Variants in FGF12 observed in about 807,000 individuals in gnomAD.
The protein encoded by FGF12 is fibroblast growth factor 12.
A neutral mutation model predicts 23.6 loss-of-function variants in FGF12; 14 were observed. The ratio of observed to expected loss-of-function variants is 0.59; its 90% CI spans 0.39 to 0.93. The LOEUF is 0.93. FGF12 is among the 40% of genes least tolerant of loss of function. The pLI, the probability that FGF12 is intolerant of heterozygous loss-of-function variation, is 0.00. For synonymous variants in FGF12, 62 were observed against 77.3 expected (o/e 0.80, Z 1.04); for missense variants, 175 against 217.8 (o/e 0.80, Z 1.24).
intron 4 of FGF12, among the ~76,000 whole-genome samples, chr3:192,284,579 G>A (rs1419530022): frequency 6.6e-6 from 1 of 152,070 alleles, no homozygotes; most frequent in Non-Finnish European, 1.5e-5. Context: ...TGATCTATTT[G>A]ATTTTTGAGA....
chr3:192,568,695 G>C (rs1012801172), intron 2 of FGF12, among the ~76,000 whole-genome samples: 1 of 152,058 alleles, frequency 6.6e-6, no homozygotes, highest in Non-Finnish European at 1.5e-5. Context: ...TCTGCCTATT[G>C]TGGATATTTA....
At chr3:192,166,441 T>TGAA (rs2108611771) in intron 5 of FGF12, among the ~76,000 whole-genome samples, 1 of 152,350 alleles carries the variant, frequency 6.6e-6, no homozygotes, top group African/African-American at 2.4e-5. Flanking sequence ...CCCACTATAT[T>TGAA]GAAGTTACAT....
At chr3:192,628,659 C>T (rs1296138345) in intron 2 of FGF12, among the ~76,000 whole-genome samples, 1 of 148,764 alleles carries the variant, frequency 6.7e-6, no homozygotes, top group Non-Finnish European at 1.5e-5. Context: ...GTATATATAG[C>T]AAATATATAC....
At chr3:192,656,068 T>C (rs1307372495) in intron 2 of FGF12, among the ~76,000 whole-genome samples, 1 of 151,100 alleles carries the variant, frequency 6.6e-6, no homozygotes, top group Non-Finnish European at 1.5e-5. Context: ...AAAAATTCTT[T>C]TCCTTGCAGT....
In FGF12 at chr3:192,406,411, A is replaced by G. The variant is rs114154753; in HGVS notation, c.14-45873T>C. ...TCAGAGATTGAGATATAAAAGTCAC[A>G]TTGAGTTCAGAACCTTGAAGTCCTC... On this transcript the variant is annotated intron_variant, in intron 2 of 5. Coordinates refer to ENST00000445105, the MANE Select transcript of FGF12 (RefSeq NM_004113.6). Among the ~76,000 whole-genome samples, 944 of 152,214 alleles carry G rather than the reference A, an allele frequency of 6.2e-3. 11 individuals carry two copies. The highest frequency in any genetic ancestry group is 0.02 in the African/African-American group (846 of 41,526).
At chr3:192,399,042 G>C (rs1297173741) in intron 2 of FGF12, among the ~76,000 whole-genome samples, 1 of 152,034 alleles carries the variant, frequency 6.6e-6, no homozygotes, top group East Asian at 1.9e-4. Flanking sequence ...TCATCAAGAA[G>C]ACGAGGCATG....
chr3:192,257,097 A>G (rs1712443942), intron 4 of FGF12, among the ~76,000 whole-genome samples: 1 of 152,156 alleles, frequency 6.6e-6, no homozygotes, highest in Non-Finnish European at 1.5e-5. Flanking sequence ...CAAATAATAT[A>G]ACGTGACTTG....
intron 2 of FGF12, among the ~76,000 whole-genome samples, chr3:192,509,500 T>C (rs993422159): frequency 5.9e-5 from 9 of 152,204 alleles, no homozygotes; most frequent in East Asian, 1.9e-4. Flanking sequence ...CTAGATGTGA[T>C]CGGGAGCCTC....
At chr3:192,499,645 C>G (rs982409315) in intron 2 of FGF12, among the ~76,000 whole-genome samples, 1 of 148,328 alleles carries the variant, frequency 6.7e-6, no homozygotes, top group Admixed American at 6.8e-5. Flanking sequence ...CATTCTCCTG[C>G]CTCAGCCTCC....
intron 2 of FGF12, among the ~76,000 whole-genome samples, chr3:192,394,609 T>C (rs1439801033): frequency 6.6e-6 from 1 of 152,116 alleles, no homozygotes; most frequent in Non-Finnish European, 1.5e-5. Context: ...ATAAGGAAAC[T>C]AAGCTGAAGA....
At chr3:192,526,078 A>T (rs915806156) in intron 2 of FGF12, among the ~76,000 whole-genome samples, 3 of 152,144 alleles carry the variant, frequency 2.0e-5, no homozygotes, top group African/African-American at 7.2e-5. Context: ...GGCCTGAGTC[A>T]CACTTCCATG....
chr3:192,362,682 C>A (rs1280289799), intron 2 of FGF12, among the ~76,000 whole-genome samples: 2 of 152,158 alleles, frequency 1.3e-5, no homozygotes, highest in African/African-American at 2.4e-5. Flanking sequence ...AAAAGTCCTA[C>A]TCTATAATCC....
chr3:192,506,440 G>A (rs888373981), intron 2 of FGF12, among the ~76,000 whole-genome samples: 5 of 152,054 alleles, frequency 3.3e-5, no homozygotes, highest in East Asian at 1.9e-4. Flanking sequence ...GCATGATCTC[G>A]GCTCACCGCA....
chr3:192,470,293 G>A (rs1723133425), intron 2 of FGF12, among the ~76,000 whole-genome samples: 1 of 152,172 alleles, frequency 6.6e-6, no homozygotes, highest in African/African-American at 2.4e-5. Context: ...AAAACGACAT[G>A]CGAGAACAAT....
chr3:192,462,076 T>G (rs1433852791), intron 2 of FGF12, among the ~76,000 whole-genome samples: 2 of 152,134 alleles, frequency 1.3e-5, no homozygotes, highest in South Asian at 2.1e-4. Flanking sequence ...TTGTTTCATT[T>G]TGAAATTTAA....
chr3:192,506,100 C>T (rs1724286179), intron 2 of FGF12, among the ~76,000 whole-genome samples: 1 of 152,220 alleles, frequency 6.6e-6, no homozygotes, highest in Non-Finnish European at 1.5e-5. Flanking sequence ...GGAAGGCACT[C>T]AAGTGCATAG....
intron 4 of FGF12, among the ~76,000 whole-genome samples, chr3:192,174,063 T>C (rs1715724794): frequency 6.6e-6 from 1 of 152,250 alleles, no homozygotes; most frequent in African/African-American, 2.4e-5. Context: ...GCTTTCCTAC[T>C]GCATACGCAA....
chr3:192,433,288 T>C (rs1038663901), intron 2 of FGF12, among the ~76,000 whole-genome samples: 6 of 152,204 alleles, frequency 3.9e-5, no homozygotes, highest in African/African-American at 1.4e-4. Flanking sequence ...AGGCCCAAAG[T>C]GTCTTCTTTC....
intron 2 of FGF12, among the ~76,000 whole-genome samples, chr3:192,556,483 T>C (rs755562074): frequency 2.0e-5 from 3 of 152,136 alleles, no homozygotes; most frequent in Non-Finnish European, 2.9e-5. Context: ...CAATTATAAA[T>C]ATATATGCAC....
Sources: gnomAD v4.1 joint callset for allele counts (sites outside exome capture counted in the v4.1 genomes callset) on GRCh38, gnomAD v4.1.1 for gene constraint, MANE v1.5 for transcripts, NCBI Gene and HGNC (gene_info 2026-07-23, HGNC 2026-07-21) for gene names.